TMEM151A: variants seen among roughly 807,000 people sequenced by gnomAD.
TMEM151A encodes transmembrane protein 151A.
TMEM151A carries 21 observed loss-of-function variants against 33.7 expected under a neutral mutation model. That is an observed-to-expected ratio of 0.62 (90% CI 0.44 to 0.90). The LOEUF (loss-of-function observed/expected upper bound fraction) is 0.90, where lower values mean the gene tolerates loss of function less well. Among genes scored for constraint, TMEM151A ranks in the 40% least tolerant of loss-of-function variants. The probability of loss-of-function intolerance (pLI) is 0.00; values close to 1 mark genes in which losing one functional copy is unlikely to be tolerated. For missense variants in TMEM151A, 704 were observed against 697.7 expected (o/e 1.01, Z -0.10); for synonymous variants, 374 against 330.3 (o/e 1.13, Z -1.43).
At position 66,292,047 on chromosome 11, in the gene TMEM151A, G is replaced by A; in HGVS notation, c.34G>A (p.Val12Met). Residue 12 changes from valine (V) to methionine (M), a missense_variant, in exon 1 of 2, where the codon GTG becomes ATG. Coordinates refer to ENST00000327259, the MANE Select transcript of TMEM151A (RefSeq NM_153266.4). This position sits in a 1 kb window ranked among gnomAD's most constrained non-coding sequence, Gnocchi z 4.7. Reference sequence around the variant, plus strand: ...GGACGGCGCTGGCGACGGCGGGGAGGTGCCCGCGCTCATCCCGGACGGCGA... The same window carrying A: ...GGACGGCGCTGGCGACGGCGGGGAGATGCCCGCGCTCATCCCGGACGGCGA... ...PEDGAGDGGEVPALIPDGEPL... is the reference protein window; with the variant it reads ...PEDGAGDGGEMPALIPDGEPL... 6.7e-7 allele frequency: 1 copy of A among 1,497,944 alleles called. No individual in the cohort carries two copies. Among genetic ancestry groups the A allele is most frequent in the African/African-American group, 1.5e-5 (1 of 68,586 alleles). The allele number at this position is 1,497,944 out of a possible 1,614,324, so 92.8% of individuals were successfully genotyped here. A position where few individuals can be genotyped will look rare whatever the true frequency, so the allele number is the denominator to read the frequency against.
At chr11:66,293,613 A>G (rs1278216473) in intron 1 of TMEM151A, among the ~76,000 whole-genome samples, 1 of 151,984 alleles carries the variant, frequency 6.6e-6, no homozygotes, top group African/African-American at 2.4e-5. Flanking sequence ...CTTTCTCATC[A>G]ACTCAAAAGC....
chr11:66,293,107 G>A (rs1857473326), intron 1 of TMEM151A, among the ~76,000 whole-genome samples: 1 of 152,108 alleles, frequency 6.6e-6, no homozygotes, highest in Non-Finnish European at 1.5e-5. Flanking sequence ...GACAGGCAGT[G>A]TGGCCCTCCA....
chr11:66,294,449 C>A lies in TMEM151A; in HGVS notation c.203C>A (p.Pro68Gln). Reference protein sequence around the residue: ...VVAWCRLATVPRLVLGPEAAL... With the variant: ...VVAWCRLATVQRLVLGPEAAL... ...GCCTGGTGTCGCCTGGCCACAGTGC[C>A]GCGGCTGGTCCTGGGGCCCGAGGCC... The change falls in exon 2 of 2, where the codon CCG becomes CAG. Residue 68 changes from proline to glutamine, a missense_variant. Pro to Gln is a moderately conservative substitution (Grantham distance 76). This residue lies in a region of TMEM151A where 301 missense variants were observed against 323.4 expected (regional missense o/e 0.93). Transcript: ENST00000327259. 6.2e-7 allele frequency: 1 copy of A among 1,609,328 alleles called. No individual in the cohort carries two copies. Among genetic ancestry groups the A allele is most frequent in the Non-Finnish European group, 8.5e-7 (1 of 1,178,148 alleles).
chr11:66,295,259 T>G lies in TMEM151A; in HGVS notation c.1013T>G (p.Val338Gly). 1 of 1,562,756 alleles carries G rather than the reference T, an allele frequency of 6.4e-7. No homozygotes were observed. Among genetic ancestry groups the G allele is most frequent in the Non-Finnish European group, 8.7e-7 (1 of 1,154,448 alleles). The change falls in exon 2 of 2, where the codon GTG becomes GGG. Residue 338 changes from valine to glycine, a missense_variant. Coordinates refer to ENST00000327259, the MANE Select transcript of TMEM151A (RefSeq NM_153266.4). The stretch of plus-strand genomic sequence containing the variant: ...CCCAGCGGGCCCCCGCTGTCCCGCG[T>G]GGCCACAGTGGACTTCACTGAGCTC... Reference protein sequence around the residue: ...AVPSGPPLSRVATVDFTELEW... With the variant: ...AVPSGPPLSRGATVDFTELEW...
Position 66,294,087 on chromosome 11 carries a change from G to A in TMEM151A, c.76-235G>A, listed in dbSNP as rs372167996. ...TGTGCGGTTTGCCGAGTGCTAGCAC[G>A]GCACAGTGGAGGATGGGTTTGGGGC... On this transcript the variant is annotated intron_variant, in intron 1 of 1. Coordinates refer to ENST00000327259, the MANE Select transcript of TMEM151A (RefSeq NM_153266.4). 3.4e-4 allele frequency among the ~76,000 whole-genome samples: 52 copies of A among 152,306 alleles called. 1 individual carries two copies. In the South Asian group the frequency reaches 9.5e-3, roughly 28 times the overall value.
rs961844047 is a variant in TMEM151A, at chr11:66,292,580, G to T, written c.75+492G>T. Among the ~76,000 whole-genome samples, 7 of 152,204 alleles carry T rather than the reference G, an allele frequency of 4.6e-5. No individual in the cohort carries two copies. On this transcript the variant is annotated intron_variant, in intron 1 of 1. Transcript: ENST00000327259. The surrounding 1 kb of genome is among the most constrained non-coding windows in gnomAD (Gnocchi z 4.7). ...TGAGGATTGAGGGCCCATTCTGCTGGCTGGGACCCCCGACGGCCCCTCCTC... is the reference window on the plus strand; with the variant it reads ...TGAGGATTGAGGGCCCATTCTGCTGTCTGGGACCCCCGACGGCCCCTCCTC...
intron 1 of TMEM151A, among the ~76,000 whole-genome samples, chr11:66,294,120 C>T (rs1181131547): frequency 6.6e-6 from 1 of 152,216 alleles, no homozygotes; most frequent in Non-Finnish European, 1.5e-5. Flanking sequence ...GGCAGCGAGT[C>T]CTGGGTTTGA....
chr11:66,294,289 GAC>G (rs1857485432), intron 1 of TMEM151A, 31 bp from the exon 2 acceptor site: 1 of 1,598,138 alleles, frequency 6.3e-7, no homozygotes, highest in African/African-American at 1.3e-5. Context: ...GGCCCCACCT[GAC>G]ACAGACTTCC....
chr11:66,295,413 GC>G lies in TMEM151A; in HGVS notation c.1173del (p.Ala392ProfsTer31). 2.0e-6 allele frequency: 3 copies of G among 1,505,476 alleles called. No homozygotes were observed. The highest frequency in any genetic ancestry group is 2.7e-6 in the Non-Finnish European group (3 of 1,128,112). The allele number at this position is 1,505,476 out of a possible 1,614,324, so 93.3% of individuals were successfully genotyped here. A position where few individuals can be genotyped will look rare whatever the true frequency, so the allele number is the denominator to read the frequency against. On this transcript the variant is annotated frameshift_variant, in exon 2 of 2. Coordinates refer to ENST00000327259, the MANE Select transcript of TMEM151A (RefSeq NM_153266.4). LOFTEE classifies it high-confidence loss of function. ...CRRSVSSNSL[P>X]PARPSGPRLP... ...GCCGCTCTGTCAGCAGCAACTCGCT[GC>G]CCCCCGCCCGGCCCAGCGGGCCCCG... is the stretch of plus-strand genomic sequence containing the variant.
Position 66,295,845 on chromosome 11 carries a change from G to C in TMEM151A, c.*192G>C, listed in dbSNP as rs1857515949. 4.3e-6 allele frequency: 2 copies of C among 461,064 alleles called. No homozygotes were observed. The highest frequency in any genetic ancestry group is 8.8e-5 in the Admixed American group (2 of 22,834). 28.6% of individuals were successfully genotyped at this position (461,064 alleles called of 1,614,324 possible). On this transcript the variant is annotated 3_prime_UTR_variant, in exon 2 of 2. Transcript: ENST00000327259. ...TGTGGTCATTTTGGAGGAAGTGGAA[G>C]CCTAAGAATCGCCCCCAGCATGGCT... is the stretch of plus-strand genomic sequence containing the variant.
rs1857461641 is a variant in TMEM151A, at chr11:66,292,101, G to GC, written c.75+13_75+14insC. Reference sequence around the variant, plus strand: ...GCTGCGGGAAGAGGTACCGGCGCTGGGGGGGCCGGAGCCGGGCCTGGGGCG... The same window carrying GC: ...GCTGCGGGAAGAGGTACCGGCGCTGGCGGGGGCCGGAGCCGGGCCTGGGGCG... On this transcript the variant is annotated intron_variant, in intron 1 of 1. Coordinates refer to ENST00000327259, the MANE Select transcript of TMEM151A (RefSeq NM_153266.4). This position sits in a 1 kb window ranked among gnomAD's most constrained non-coding sequence, Gnocchi z 4.7. 6.9e-7 allele frequency: 1 copy of GC among 1,446,702 alleles called. No homozygotes were observed. The highest frequency in any genetic ancestry group is 2.5e-4 in the Middle Eastern group (1 of 4,034). The allele number at this position is 1,446,702 out of a possible 1,614,324, so 89.6% of individuals were successfully genotyped here. A position where few individuals can be genotyped will look rare whatever the true frequency, so the allele number is the denominator to read the frequency against.
Position 66,295,242 on chromosome 11 carries a change from GC to G in TMEM151A, c.1001del (p.Pro334ArgfsTer89). ...SPPPGAVPSG[P>X]PLSRVATVDF... is the part of the protein sequence containing the mutation. ...CCCCGCCGGGGGCCGTGCCCAGCGG[GC>G]CCCCGCTGTCCCGCGTGGCCACAGT... On this transcript the variant is annotated frameshift_variant, in exon 2 of 2. Transcript: ENST00000327259. LOFTEE classifies it high-confidence loss of function. The G allele has an allele frequency of 6.4e-7, 1 of 1,562,092 alleles. No homozygotes were observed. Among genetic ancestry groups the G allele is most frequent in the Non-Finnish European group, 8.7e-7 (1 of 1,154,206 alleles).
In TMEM151A at chr11:66,292,159, A is replaced by G. The variant is rs1857462384; in HGVS notation, c.75+71A>G. The G allele has an allele frequency of 7.9e-7, 1 of 1,258,442 alleles. No homozygotes were observed. The highest frequency in any genetic ancestry group is 3.1e-5 in the East Asian group (1 of 31,796). The allele number at this position is 1,258,442 out of a possible 1,614,324, so 78.0% of individuals were successfully genotyped here. On this transcript the variant is annotated intron_variant, in intron 1 of 1. Coordinates refer to ENST00000327259, the MANE Select transcript of TMEM151A (RefSeq NM_153266.4). The surrounding 1 kb of genome is among the most constrained non-coding windows in gnomAD (Gnocchi z 4.7). ...AGGGACCAGTGCAAAAGGCGACCCC[A>G]AGAGAGGGGCTGAGGAGGGAAGTCC...
rs984412644 is a variant in TMEM151A, at chr11:66,292,387, G to C, written c.75+299G>C. Among the ~76,000 whole-genome samples the C allele has an allele frequency of 5.9e-5, 9 of 152,180 alleles. No individual in the cohort carries two copies. Among genetic ancestry groups the C allele is most frequent in the Non-Finnish European group, 7.3e-5 (5 of 68,030 alleles). Reference sequence around the variant, plus strand: ...CGTCCCAGTGCCGCAGCGCAGCGGGGGATGCTGCCCCCACCCCCAGGGCCG... The same window carrying C: ...CGTCCCAGTGCCGCAGCGCAGCGGGCGATGCTGCCCCCACCCCCAGGGCCG... On this transcript the variant is annotated intron_variant, in intron 1 of 1. Transcript: ENST00000327259. This position sits in a 1 kb window ranked among gnomAD's most constrained non-coding sequence, Gnocchi z 4.7.
At position 66,292,158 on chromosome 11, in the gene TMEM151A, C is replaced by A; in HGVS notation, c.75+70C>A. 1 of 1,272,766 alleles carries A rather than the reference C, an allele frequency of 7.9e-7. No homozygotes were observed. The allele number at this position is 1,272,766 out of a possible 1,614,324, so 78.8% of individuals were successfully genotyped here. A position where few individuals can be genotyped will look rare whatever the true frequency, so the allele number is the denominator to read the frequency against. ...GAGGGACCAGTGCAAAAGGCGACCC[C>A]AAGAGAGGGGCTGAGGAGGGAAGTC... is the stretch of plus-strand genomic sequence containing the variant. On this transcript the variant is annotated intron_variant, in intron 1 of 1. Coordinates refer to ENST00000327259, the MANE Select transcript of TMEM151A (RefSeq NM_153266.4). This position sits in a 1 kb window ranked among gnomAD's most constrained non-coding sequence, Gnocchi z 4.7.
Position 66,292,057 on chromosome 11 carries a change from T to G in TMEM151A, c.44T>G (p.Leu15Arg). 6.7e-7 allele frequency: 1 copy of G among 1,492,246 alleles called. No individual in the cohort carries two copies. Among genetic ancestry groups the G allele is most frequent in the Non-Finnish European group, 8.9e-7 (1 of 1,128,672 alleles). 92.4% of individuals were successfully genotyped at this position (1,492,246 alleles called of 1,614,324 possible). The stretch of plus-strand genomic sequence containing the variant: ...GGCGACGGCGGGGAGGTGCCCGCGC[T>G]CATCCCGGACGGCGAGCCGCTGCGG... ...GAGDGGEVPA[L>R]IPDGEPLREE... The change falls in exon 1 of 2, where the codon CTC (leucine) becomes CGC (arginine). Residue 15 changes from leucine to arginine, a missense_variant. Leu to Arg is a moderately radical substitution (Grantham distance 102). This residue lies in a region of TMEM151A where 301 missense variants were observed against 323.4 expected (regional missense o/e 0.93). Coordinates refer to ENST00000327259, the MANE Select transcript of TMEM151A (RefSeq NM_153266.4). This position sits in a 1 kb window ranked among gnomAD's most constrained non-coding sequence, Gnocchi z 4.7.
chr11:66,295,632 G>A lies in TMEM151A; in HGVS notation c.1386G>A (p.Gly462=), dbSNP rs907890687. 3.2e-6 allele frequency: 5 copies of A among 1,540,042 alleles called. No individual in the cohort carries two copies. The highest frequency in any genetic ancestry group is 3.5e-6 in the Non-Finnish European group (4 of 1,146,260). The part of the protein sequence containing the change: ...LIVHGDSGCQ[G]DGQGAL ...TCCACGGAGACAGCGGCTGCCAGGG[G>A]GATGGGCAGGGTGCTCTCTGAGACC... Residue 462 remains glycine (G), a synonymous_variant, in exon 2 of 2, where the codon GGG becomes GGA. Coordinates refer to ENST00000327259, the MANE Select transcript of TMEM151A (RefSeq NM_153266.4).
rs1404793411 is a variant in TMEM151A at position 66,295,177 on chromosome 11, G to A, written c.931G>A (p.Val311Met). ...RVVAAYGTAH[V>M]HYQVEKLFGA... ...CGTGGCCGCCTATGGCACGGCTCACGTGCACTACCAGGTGGAGAAGCTCTT... is the reference window on the plus strand; with the variant it reads ...CGTGGCCGCCTATGGCACGGCTCACATGCACTACCAGGTGGAGAAGCTCTT... The change falls in exon 2 of 2, where the codon GTG becomes ATG. Residue 311 changes from valine to methionine, a missense_variant. Transcript: ENST00000327259. 6.3e-6 allele frequency: 10 copies of A among 1,586,682 alleles called. No individual in the cohort carries two copies. Among genetic ancestry groups the A allele is most frequent in the Non-Finnish European group, 8.5e-6 (10 of 1,170,296 alleles).
At chr11:66,294,240 TC>T in intron 1 of TMEM151A, 81 bp from the exon 2 acceptor site, 1 of 1,559,810 alleles carries the variant, frequency 6.4e-7, no homozygotes, top group Non-Finnish European at 8.6e-7. Context: ...GGTATCACCT[TC>T]CTCAGCCGGG....
Sources: allele counts gnomAD v4.1 joint callset (sites outside exome capture counted in the v4.1 genomes callset), GRCh38; gene constraint gnomAD v4.1.1; regional missense constraint gnomAD v4.1.1; non-coding constraint Gnocchi (gnomAD v3.1); transcripts MANE v1.5; gene names NCBI Gene and HGNC (gene_info 2026-07-23, HGNC 2026-07-21).